PPM1H: variants seen among roughly 807,000 people sequenced by gnomAD.
PPM1H encodes the protein protein phosphatase 1H.
Under a neutral mutation model 54.9 loss-of-function variants are expected in PPM1H, and 27 were observed. The ratio of observed to expected loss-of-function variants is 0.49; its 90% CI spans 0.36 to 0.68. PPM1H has a LOEUF of 0.68. Among genes scored for constraint, PPM1H ranks in the 30% least tolerant of loss-of-function variants. PPM1H has a pLI of 0.00. For synonymous variants in PPM1H, 305 were observed against 270.8 expected (o/e 1.13, Z -1.24); for missense variants, 596 against 667.8 (o/e 0.89, Z 1.19).
chr12:62,750,873 A>G (rs1371438720), intron 4 of PPM1H, among the ~76,000 whole-genome samples: 1 of 152,252 alleles, frequency 6.6e-6, no homozygotes, highest in Non-Finnish European at 1.5e-5. Context: ...CAATGTGTAC[A>G]TCACACAATG....
At chr12:62,782,673 C>T (rs1417598558) in intron 4 of PPM1H, among the ~76,000 whole-genome samples, 1 of 152,110 alleles carries the variant, frequency 6.6e-6, no homozygotes, top group Non-Finnish European at 1.5e-5. Flanking sequence ...AGTCTGTGGG[C>T]TCAATTCAAA....
chr12:62,720,325 A>T (rs1163835437), intron 5 of PPM1H, 36 bp from the exon 6 acceptor site: 1 of 1,452,000 alleles, frequency 6.9e-7, no homozygotes. Context: ...ACACACACAT[A>T]CACGTATTTA....
chr12:62,900,891 C>T (rs188164489), intron 1 of PPM1H, among the ~76,000 whole-genome samples: 95 of 152,284 alleles, frequency 6.2e-4, no homozygotes, highest in African/African-American at 2.1e-3. Context: ...CTAATTTGAG[C>T]ATGCCTTTCT....
chr12:62,927,859 C>T (rs1247349674), intron 1 of PPM1H, among the ~76,000 whole-genome samples: 3 of 151,920 alleles, frequency 2.0e-5, no homozygotes, highest in Non-Finnish European at 4.4e-5. Flanking sequence ...AATGAATTAA[C>T]AAACATTTTT....
chr12:62,669,715 T>C (rs1204318719), intron 8 of PPM1H, among the ~76,000 whole-genome samples: 2 of 152,108 alleles, frequency 1.3e-5, no homozygotes, highest in African/African-American at 4.8e-5. Context: ...GGGGATCACT[T>C]GAGGCCAGGA....
chr12:62,846,511 AAT>A (rs931050714), intron 1 of PPM1H, among the ~76,000 whole-genome samples: 7 of 151,196 alleles, frequency 4.6e-5, no homozygotes, highest in Admixed American at 2.0e-4. Flanking sequence ...AAAAAAAAAA[AAT>A]TTTTTTTTTT....
intron 1 of PPM1H, among the ~76,000 whole-genome samples, chr12:62,874,605 G>C (rs1370114044): frequency 6.6e-6 from 1 of 151,856 alleles, no homozygotes; most frequent in East Asian, 1.9e-4. Flanking sequence ...CCAAGAATTG[G>C]GATCTAAGAA....
At chr12:62,818,040 G>T (rs2076881246) in intron 2 of PPM1H, among the ~76,000 whole-genome samples, 1 of 152,214 alleles carries the variant, frequency 6.6e-6, no homozygotes, top group South Asian at 2.1e-4. Context: ...TGGAATGCAT[G>T]TGTTCAGAAG....
intron 4 of PPM1H, among the ~76,000 whole-genome samples, chr12:62,769,070 T>G (rs887834555): frequency 6.6e-6 from 1 of 152,202 alleles, no homozygotes; most frequent in Non-Finnish European, 1.5e-5. Context: ...ATTCCCAATG[T>G]GCTAATCCTG....
Position 62,678,691 on chromosome 12 carries a change from CT to C in PPM1H, c.1245+11007del, listed in dbSNP as rs113290051. Among the ~76,000 whole-genome samples, 712 of 148,598 alleles carry C rather than the reference CT, an allele frequency of 4.8e-3. 2 individuals carry two copies. Among genetic ancestry groups the C allele is most frequent in the African/African-American group, 0.013 (540 of 40,720 alleles). ...ATTCAAAGAAAGTAGCTTCTGCATA[CT>C]TTTTTTTTTTCTTTTTGAGACAGAG... On this transcript the variant is annotated intron_variant, in intron 8 of 9. Transcript: ENST00000228705.
intron 1 of PPM1H, among the ~76,000 whole-genome samples, chr12:62,846,359 G>A (rs1868966789): frequency 2.0e-5 from 3 of 151,750 alleles, no homozygotes; most frequent in Admixed American, 1.3e-4. Context: ...AATTAGCTGG[G>A]CATGGTGGCA....
intron 1 of PPM1H, among the ~76,000 whole-genome samples, chr12:62,860,641 G>A (rs1182496310): frequency 2.0e-5 from 3 of 152,110 alleles, no homozygotes; most frequent in Admixed American, 6.5e-5. Flanking sequence ...TGATTATGAC[G>A]TACTGAATCC....
rs1245956344 is a variant in PPM1H at position 62,934,048 on chromosome 12, T to C, written c.245+444A>G. 1 of 156,690 alleles carries C rather than the reference T, an allele frequency of 6.4e-6. No individual in the cohort carries two copies. Among genetic ancestry groups the C allele is most frequent in the Non-Finnish European group, 1.4e-5 (1 of 71,260 alleles). 9.7% of individuals were successfully genotyped at this position (156,690 alleles called of 1,614,324 possible). On this transcript the variant is annotated intron_variant, in intron 1 of 9. Transcript: ENST00000228705. This position sits in a 1 kb window ranked among gnomAD's most constrained non-coding sequence, Gnocchi z 4.2. ...ATCGGACACAAGCTCCCAGGCGCAG[T>C]GACATCTCCTCCAAGCCTCCACCCC...
chr12:62,688,954 C>G (rs2076069384), intron 8 of PPM1H, among the ~76,000 whole-genome samples: 1 of 152,222 alleles, frequency 6.6e-6, no homozygotes, highest in Non-Finnish European at 1.5e-5. Context: ...CGATATCATG[C>G]CACTACACTC....
Position 62,801,992 on chromosome 12 carries a change from C to T in PPM1H, c.580G>A (p.Glu194Lys). 1.2e-6 allele frequency: 2 copies of T among 1,613,272 alleles called. No homozygotes were observed. Among genetic ancestry groups the T allele is most frequent in the Non-Finnish European group, 1.7e-6 (2 of 1,179,592 alleles). Residue 194 changes from glutamate to lysine, a missense_variant, in exon 3 of 10, where the codon GAG becomes AAG. Transcript: ENST00000228705. ...SAVLPPTCLG[E>K]EPENTPANSR... is the part of the protein sequence containing the mutation. ...TTGGCGGGCGTGTTCTCAGGCTCCT[C>T]CCCCAGGCAGGTAGGGGGCAGGACG... is the stretch of plus-strand genomic sequence containing the variant.
At chr12:62,648,841 C>T (rs1027612761) in intron 9 of PPM1H, among the ~76,000 whole-genome samples, 1 of 152,230 alleles carries the variant, frequency 6.6e-6, no homozygotes, top group Non-Finnish European at 1.5e-5. Context: ...TGGGATAAGG[C>T]ACTAAATACA....
intron 6 of PPM1H, among the ~76,000 whole-genome samples, chr12:62,706,659 C>G (rs575758549): frequency 6.6e-6 from 1 of 152,134 alleles, no homozygotes; most frequent in Non-Finnish European, 1.5e-5. Context: ...GGTCATATAT[C>G]TGGGAGGAAA....
intron 4 of PPM1H, among the ~76,000 whole-genome samples, chr12:62,761,357 G>A (rs1440735313): frequency 6.6e-6 from 1 of 152,202 alleles, no homozygotes; most frequent in Non-Finnish European, 1.5e-5. Flanking sequence ...TCCCTGGGGG[G>A]CAAATGGGAT....
intron 1 of PPM1H, among the ~76,000 whole-genome samples, chr12:62,845,640 T>C (rs896177368): frequency 3.9e-5 from 6 of 152,172 alleles, no homozygotes; most frequent in African/African-American, 1.4e-4. Context: ...AAATGTGGCT[T>C]GCTGTTCTTC....
Sources: allele counts gnomAD v4.1 joint callset (sites outside exome capture counted in the v4.1 genomes callset), GRCh38; gene constraint gnomAD v4.1.1; non-coding constraint Gnocchi (gnomAD v3.1); transcripts MANE v1.5; gene names NCBI Gene and HGNC (gene_info 2026-07-23, HGNC 2026-07-21).